The following CD96 variants were observed in gnomAD, a reference collection of about 807,000 sequenced individuals.
CD96 encodes CD96 molecule, also known as T-cell surface protein tactile.
CD96 carries 70 observed loss-of-function variants against 71.3 expected under a neutral mutation model. The ratio of observed to expected loss-of-function variants is 0.98; its 90% CI spans 0.81 to 1.20. CD96 has a LOEUF of 1.20. CD96 is among the 50% of genes most tolerant of loss of function. The pLI, the probability that CD96 is intolerant of heterozygous loss-of-function variation, is 0.00. For synonymous variants in CD96, 248 were observed against 233.0 expected (o/e 1.06, Z -0.59); for missense variants, 742 against 677.5 (o/e 1.10, Z -1.06).
intron 7 of CD96, among the ~76,000 whole-genome samples, chr3:111,605,630 C>T (rs943448798): frequency 3.9e-5 from 6 of 152,188 alleles, no homozygotes; most frequent in African/African-American, 1.4e-4. Flanking sequence ...CAAAAGCATT[C>T]ATATAGTAGT....
chr3:111,638,064 C>T lies in CD96; in HGVS notation c.1388-15C>T, dbSNP rs1191985933. ...GTTGAGATGTCTTGTCCAGATATCC[C>T]CTTTATATCCCTAGACAATGTCTTT... On this transcript the variant is annotated splice_polypyrimidine_tract_variant and intron_variant, in intron 11 of 13. Coordinates refer to ENST00000352690, the MANE Select transcript of CD96 (RefSeq NM_005816.5). 4.8e-6 allele frequency: 7 copies of T among 1,457,658 alleles called. No homozygotes were observed. In the Admixed American group the frequency reaches 1.0e-4, roughly 21 times the overall value. The allele number at this position is 1,457,658 out of a possible 1,614,324, so 90.3% of individuals were successfully genotyped here.
Position 111,568,270 on chromosome 3 carries a change from A to G in CD96, c.543+623A>G, listed in dbSNP as rs896618012. On this transcript the variant is annotated intron_variant, in intron 3 of 13. Coordinates refer to ENST00000352690, the MANE Select transcript of CD96 (RefSeq NM_005816.5). The stretch of plus-strand genomic sequence containing the variant: ...ACAAAAGCCAGAAATCTGGATTTTT[A>G]TGAAAAATTTTCCAATTTTAAAAAT... 3.3e-5 allele frequency among the ~76,000 whole-genome samples: 5 copies of G among 152,354 alleles called. No homozygotes were observed. The South Asian group carries it at 1.0e-3, about 32-fold the overall frequency.
chr3:111,552,000 G>A (rs897737214), intron 2 of CD96, among the ~76,000 whole-genome samples: 2 of 152,104 alleles, frequency 1.3e-5, no homozygotes, highest in Admixed American at 6.5e-5. Context: ...TCTGAGTGGT[G>A]CAAGATGATA....
chr3:111,629,249 A>G (rs1282242862), intron 10 of CD96, among the ~76,000 whole-genome samples: 1 of 152,214 alleles, frequency 6.6e-6, no homozygotes, highest in Non-Finnish European at 1.5e-5. Flanking sequence ...ACCTGTCAGT[A>G]TGCTGTCTTC....
intron 8 of CD96, among the ~76,000 whole-genome samples, chr3:111,608,448 C>A (rs978379318): frequency 6.6e-6 from 1 of 152,216 alleles, no homozygotes; most frequent in African/African-American, 2.4e-5. Flanking sequence ...CCACCATACC[C>A]TGTCATTTAG....
chr3:111,564,094 A>G (rs1014280205), intron 2 of CD96, among the ~76,000 whole-genome samples: 4 of 152,160 alleles, frequency 2.6e-5, no homozygotes, highest in Non-Finnish European at 5.9e-5. Flanking sequence ...ATACTTTTAT[A>G]TGAACATGCT....
At chr3:111,609,710 GA>G (rs912568876) in intron 8 of CD96, among the ~76,000 whole-genome samples, 2 of 152,166 alleles carry the variant, frequency 1.3e-5, no homozygotes, top group African/African-American at 2.4e-5. Flanking sequence ...AAGCAGGGGG[GA>G]AAAATGCCAC....
chr3:111,562,326 C>T (rs954238101), intron 2 of CD96, among the ~76,000 whole-genome samples: 6 of 152,192 alleles, frequency 3.9e-5, no homozygotes, highest in African/African-American at 1.2e-4. Context: ...ATGGGTCACA[C>T]ATCCCTGATT....
intron 3 of CD96, chr3:111,571,190 T>G (rs531320699): frequency 7.5e-5 from 40 of 534,200 alleles, no homozygotes; most frequent in Admixed American, 5.2e-4. Context: ...AGTAAGAGTT[T>G]TTTTGTTTTG....
intron 14 of CD96, chr3:111,665,523 C>A (rs1180174676): frequency 6.6e-6 from 1 of 152,106 alleles, no homozygotes. Flanking sequence ...TTATTCTACC[C>A]TAGGTATTGG....
chr3:111,579,316 T>C (rs750357722), intron 4 of CD96, 82 bp downstream of exon 4: 2 of 825,488 alleles, frequency 2.4e-6, no homozygotes, highest in Non-Finnish European at 4.3e-6. Flanking sequence ...CACCCTATTA[T>C]GCTGCAGAGC....
intron 2 of CD96, among the ~76,000 whole-genome samples, chr3:111,546,257 A>T (rs1934391556): frequency 1.3e-5 from 2 of 152,218 alleles, no homozygotes. Flanking sequence ...TCTGGCATGC[A>T]CACCTGAATG....
intron 13 of CD96, 60 bp downstream of exon 13, chr3:111,647,726 A>G: frequency 3.3e-6 from 4 of 1,219,432 alleles, no homozygotes; most frequent in Non-Finnish European, 4.8e-6. Flanking sequence ...AATATTCATC[A>G]GTACAATATA....
At chr3:111,586,084 T>G (rs934752645) in intron 5 of CD96, among the ~76,000 whole-genome samples, 4 of 152,156 alleles carry the variant, frequency 2.6e-5, no homozygotes, top group Non-Finnish European at 5.9e-5. Context: ...TTTTTAAAAA[T>G]TAAATAACAT....
chr3:111,627,596 A>G (rs1304674190), intron 10 of CD96, among the ~76,000 whole-genome samples: 2 of 152,204 alleles, frequency 1.3e-5, no homozygotes, highest in Non-Finnish European at 2.9e-5. Context: ...GAAGAGCCCA[A>G]ATCAATTGGG....
chr3:111,558,485 C>T (rs1343571903), intron 2 of CD96, among the ~76,000 whole-genome samples: 1 of 89,656 alleles, frequency 1.1e-5, no homozygotes, highest in South Asian at 4.3e-4. Flanking sequence ...TTGTCTTTGG[C>T]TCTGTTTATA....
chr3:111,598,289 A>C, intron 6 of CD96, 79 bp downstream of exon 6: 1 of 765,050 alleles, frequency 1.3e-6, no homozygotes, highest in South Asian at 1.4e-5. Flanking sequence ...TCATTGCCCA[A>C]GTTGATCTTG....
At chr3:111,552,226 G>T (rs1470424849) in intron 2 of CD96, among the ~76,000 whole-genome samples, 1 of 151,824 alleles carries the variant, frequency 6.6e-6, no homozygotes, top group African/African-American at 2.4e-5. Context: ...TGATATAAGG[G>T]CTCCACTCTC....
At chr3:111,556,233 T>G (rs1051101184) in intron 2 of CD96, among the ~76,000 whole-genome samples, 18 of 23,916 alleles carry the variant, frequency 7.5e-4, no homozygotes, top group Admixed American at 2.4e-3. Context: ...CTTTAAGTTT[T>G]AGGGTACATG....
Sources: allele counts gnomAD v4.1 joint callset (sites outside exome capture counted in the v4.1 genomes callset), GRCh38; gene constraint gnomAD v4.1.1; transcripts MANE v1.5; gene names NCBI Gene and HGNC (gene_info 2026-07-23, HGNC 2026-07-21).